Variants in ERI3 observed in about 807,000 individuals in gnomAD.
ERI3 encodes the protein ERI1 exoribonuclease 3.
Under a neutral mutation model 44.4 loss-of-function variants are expected in ERI3, and 18 were observed. That is an observed-to-expected ratio of 0.41 (90% CI 0.28 to 0.60). ERI3 has a LOEUF of 0.60. Ranked by LOEUF, ERI3 falls within the 20% of genes least tolerant of loss-of-function variation. ERI3 has a pLI of 0.36. For missense variants in ERI3, 294 were observed against 435.5 expected (o/e 0.68, Z 2.89); for synonymous variants, 183 against 164.8 (o/e 1.11, Z -0.84).
At chr1:44,334,996 G>A (rs1475181453) in intron 3 of ERI3, among the ~76,000 whole-genome samples, 2 of 152,200 alleles carry the variant, frequency 1.3e-5, no homozygotes, top group Admixed American at 1.3e-4. Context: ...TACTCAAGGG[G>A]TATGACACAC....
intron 8 of ERI3, among the ~76,000 whole-genome samples, chr1:44,227,238 T>C (rs1378505963): frequency 1.3e-5 from 2 of 152,186 alleles, no homozygotes; most frequent in Non-Finnish European, 2.9e-5. Context: ...TAACACACTT[T>C]ATTACTGATC....
intron 3 of ERI3, among the ~76,000 whole-genome samples, chr1:44,331,776 CCTT>C (rs1646435094): frequency 6.6e-6 from 1 of 152,138 alleles, no homozygotes; most frequent in Admixed American, 6.5e-5. Context: ...TGTGTGAACC[CCTT>C]CTTCTCTTCC....
At chr1:44,281,065 C>T (rs1246706150) in intron 7 of ERI3, among the ~76,000 whole-genome samples, 1 of 152,172 alleles carries the variant, frequency 6.6e-6, no homozygotes, top group East Asian at 1.9e-4. Flanking sequence ...TCACCACATG[C>T]TACATTGTGC....
At chr1:44,314,771 G>T (rs767466599) in intron 4 of ERI3, among the ~76,000 whole-genome samples, 7 of 152,134 alleles carry the variant, frequency 4.6e-5, no homozygotes, top group African/African-American at 1.4e-4. Flanking sequence ...GCCTACTACG[G>T]GCTGGGCCGC....
chr1:44,311,878 C>T (rs1410783861), intron 5 of ERI3, among the ~76,000 whole-genome samples: 4 of 151,886 alleles, frequency 2.6e-5, no homozygotes, highest in Non-Finnish European at 1.5e-5. Flanking sequence ...AAGGAGCTCC[C>T]TTGGTCATAG....
At chr1:44,255,076 GGATTACTGTCTGTAAAGT>G (rs1368997801) in intron 7 of ERI3, among the ~76,000 whole-genome samples, 2 of 152,072 alleles carry the variant, frequency 1.3e-5, no homozygotes, top group Admixed American at 6.5e-5. Flanking sequence ...GATTAAATGA[GGATTACTGTCTGTAAAGT>G]GCTTAAAACA....
At chr1:44,301,507 T>C (rs325152) in intron 6 of ERI3, among the ~76,000 whole-genome samples, 109,466 of 152,064 alleles carry the variant, frequency 0.72, 39,476 homozygotes, top group East Asian at 0.81. Context: ...AATTTGCCCC[T>C]GTAACTGCCA....
intron 8 of ERI3, among the ~76,000 whole-genome samples, chr1:44,222,281 C>T (rs1202190220): frequency 3.3e-5 from 5 of 152,184 alleles, no homozygotes; most frequent in South Asian, 2.1e-4. Flanking sequence ...TGTGGAGCTC[C>T]GACAGGATGG....
At chr1:44,295,138 T>C (rs1234444724) in intron 6 of ERI3, among the ~76,000 whole-genome samples, 1 of 152,310 alleles carries the variant, frequency 6.6e-6, no homozygotes, top group Non-Finnish European at 1.5e-5. Flanking sequence ...GTGTGCTCCA[T>C]GGAGTTCTAG....
chr1:44,265,650 A>C (rs1003392484), intron 7 of ERI3, among the ~76,000 whole-genome samples: 2 of 151,866 alleles, frequency 1.3e-5, no homozygotes, highest in Non-Finnish European at 1.5e-5. Flanking sequence ...CTGATGGGAG[A>C]ATTAAAAAAA....
At position 44,241,992 on chromosome 1, in the gene ERI3, A is replaced by T; in HGVS notation, c.931+5947T>A. 1 of 985,700 alleles carries T rather than the reference A, an allele frequency of 1.0e-6. No individual in the cohort carries two copies. Among genetic ancestry groups the T allele is most frequent in the African/African-American group, 1.7e-5 (1 of 57,354 alleles). The allele number at this position is 985,700 out of a possible 1,614,324, so 61.1% of individuals were successfully genotyped here. ...TGTCTGGCAAGAACCAATTCCTCAG[A>T]TGTCTCTGGGGCTCCAAGGGGGTCA... On this transcript the variant is annotated intron_variant, in intron 8 of 8. Coordinates refer to ENST00000372257, the MANE Select transcript of ERI3 (RefSeq NM_024066.3). This position sits in a 1 kb window ranked among gnomAD's most constrained non-coding sequence, Gnocchi z 5.6.
Position 44,221,865 on chromosome 1 carries a change from A to C in ERI3, c.932-225T>G, listed in dbSNP as rs1557759866. The stretch of plus-strand genomic sequence containing the variant: ...TCGATGCTTCTCAGTTCCATAATTC[A>C]TGCTGGAAATTGGCCGGCATGTCCC... On this transcript the variant is annotated intron_variant, in intron 8 of 8. Transcript: ENST00000372257. The surrounding 1 kb of genome is among the most constrained non-coding windows in gnomAD (Gnocchi z 5.9). Among the ~76,000 whole-genome samples, 1 of 152,110 alleles carries C rather than the reference A, an allele frequency of 6.6e-6. No individual in the cohort carries two copies. Among genetic ancestry groups the C allele is most frequent in the Non-Finnish European group, 1.5e-5 (1 of 68,030 alleles).
At chr1:44,285,145 T>G (rs544343046) in intron 6 of ERI3, among the ~76,000 whole-genome samples, 9 of 152,322 alleles carry the variant, frequency 5.9e-5, no homozygotes, top group Admixed American at 4.6e-4. Context: ...TCCAAAATAA[T>G]AGCAGCAGGC....
At chr1:44,331,800 G>C (rs1183963851) in intron 3 of ERI3, among the ~76,000 whole-genome samples, 1 of 152,124 alleles carries the variant, frequency 6.6e-6, no homozygotes, top group African/African-American at 2.4e-5. Context: ...TGCTATAACA[G>C]TTCTGAATGG....
At chr1:44,318,233 G>T (rs1251328566) in intron 4 of ERI3, among the ~76,000 whole-genome samples, 1 of 152,178 alleles carries the variant, frequency 6.6e-6, no homozygotes, top group Non-Finnish European at 1.5e-5. Flanking sequence ...TCCTAAACAG[G>T]TAGCAAACTT....
chr1:44,355,043 CG>C lies in ERI3; in HGVS notation c.-18del. The C allele has an allele frequency of 7.3e-7, 1 of 1,371,060 alleles. No homozygotes were observed. Among genetic ancestry groups the C allele is most frequent in the South Asian group, 2.0e-5 (1 of 49,412 alleles). The allele number at this position is 1,371,060 out of a possible 1,614,324, so 84.9% of individuals were successfully genotyped here. Reference sequence around the variant, plus strand: ...TGTCGCCATGGCAACGCCCCCTCCTCGGGGCCAGCGCGGCAGGCTCCCTCCA... The same window carrying C: ...TGTCGCCATGGCAACGCCCCCTCCTCGGGCCAGCGCGGCAGGCTCCCTCCA... On this transcript the variant is annotated 5_prime_UTR_variant, in exon 1 of 9. Transcript: ENST00000372257.
chr1:44,308,219 G>T, intron 6 of ERI3, 91 bp downstream of exon 6: 1 of 890,338 alleles, frequency 1.1e-6, no homozygotes, highest in Non-Finnish European at 1.9e-6. Context: ...CCCTGATCCA[G>T]CTGCCTTGTA....
intron 2 of ERI3, among the ~76,000 whole-genome samples, chr1:44,342,991 G>A (rs1646715834): frequency 6.8e-6 from 1 of 147,402 alleles, no homozygotes; most frequent in African/African-American, 2.5e-5. Context: ...TTACAGGCAT[G>A]GGCCACAGCA....
At chr1:44,316,358 A>C (rs1418176075) in intron 4 of ERI3, among the ~76,000 whole-genome samples, 1 of 152,196 alleles carries the variant, frequency 6.6e-6, no homozygotes, top group Non-Finnish European at 1.5e-5. Flanking sequence ...GAGGGATTAC[A>C]GATTAACTCC....
Sources: gnomAD v4.1 joint callset for allele counts (sites outside exome capture counted in the v4.1 genomes callset) on GRCh38, gnomAD v4.1.1 for gene constraint, Gnocchi (gnomAD v3.1) non-coding constraint, MANE v1.5 for transcripts, NCBI Gene and HGNC (gene_info 2026-07-23, HGNC 2026-07-21) for gene names.